CABCOCO1: variants seen among roughly 807,000 people sequenced by gnomAD.
CABCOCO1 encodes the protein ciliary associated calcium binding coiled-coil 1, also known as ciliary-associated calcium-binding coiled-coil protein 1.
Under a neutral mutation model 35.7 loss-of-function variants are expected in CABCOCO1, and 28 were observed. The ratio of observed to expected loss-of-function variants is 0.78; its 90% CI spans 0.58 to 1.07. The LOEUF is 1.07. Ranked by LOEUF, CABCOCO1 falls within the 50% of genes least tolerant of loss-of-function variation. CABCOCO1 has a pLI of 0.00. For synonymous variants in CABCOCO1, 95 were observed against 100.1 expected (o/e 0.95, Z 0.30); for missense variants, 326 against 309.2 (o/e 1.05, Z -0.41).
At chr10:61,745,734 C>T (rs938867702) in intron 5 of CABCOCO1, among the ~76,000 whole-genome samples, 3 of 152,184 alleles carry the variant, frequency 2.0e-5, no homozygotes, top group Non-Finnish European at 4.4e-5. Flanking sequence ...TGTGCTGCAG[C>T]ATAAAGCTTA....
chr10:61,724,616 G>A (rs1262180210), intron 5 of CABCOCO1, among the ~76,000 whole-genome samples: 1 of 152,178 alleles, frequency 6.6e-6, no homozygotes, highest in African/African-American at 2.4e-5. Context: ...TATAGTTTTA[G>A]ATGGGAAGGC....
chr10:61,711,647 G>A (rs1237131911), intron 5 of CABCOCO1, among the ~76,000 whole-genome samples: 3 of 151,750 alleles, frequency 2.0e-5, no homozygotes, highest in African/African-American at 7.3e-5. Context: ...TTTATATAAG[G>A]AGAACAACAG....
At chr10:61,724,314 T>C (rs996594799) in intron 5 of CABCOCO1, among the ~76,000 whole-genome samples, 4 of 152,144 alleles carry the variant, frequency 2.6e-5, no homozygotes, top group Admixed American at 2.6e-4. Flanking sequence ...ATATGTAGAC[T>C]GAGAATAGAG....
chr10:61,697,410 T>C (rs1840324910), intron 5 of CABCOCO1, among the ~76,000 whole-genome samples: 1 of 152,110 alleles, frequency 6.6e-6, no homozygotes, highest in African/African-American at 2.4e-5. Context: ...ATCTCTAAAA[T>C]ATATTCTTAA....
rs186758345 is a variant in CABCOCO1 at position 61,698,315 on chromosome 10, C to A, written c.552+7694C>A. Among the ~76,000 whole-genome samples, 171 of 152,238 alleles carry A rather than the reference C, an allele frequency of 1.1e-3. 1 individual carries two copies. The highest frequency in any genetic ancestry group is 3.9e-3 in the African/African-American group (162 of 41,554). The stretch of plus-strand genomic sequence containing the variant: ...TGCAGCATGGGCATTTTCACATAAG[C>A]CCCATTGCACAGCTCCAGGGGCACC... On this transcript the variant is annotated intron_variant, in intron 5 of 7. Transcript: ENST00000648843.
intron 5 of CABCOCO1, among the ~76,000 whole-genome samples, chr10:61,703,899 G>A (rs1332147797): frequency 2.6e-5 from 4 of 152,082 alleles, no homozygotes; most frequent in Non-Finnish European, 5.9e-5. Context: ...AGTCTCCTAA[G>A]TTTTCTGTTG....
intron 5 of CABCOCO1, among the ~76,000 whole-genome samples, chr10:61,712,005 G>C (rs1030038738): frequency 1.3e-5 from 2 of 152,068 alleles, no homozygotes; most frequent in Admixed American, 6.6e-5. Flanking sequence ...CCTAGTAATG[G>C]GATTGCTGGG....
chr10:61,735,289 C>T (rs1841391295), intron 5 of CABCOCO1, among the ~76,000 whole-genome samples: 1 of 152,074 alleles, frequency 6.6e-6, no homozygotes, highest in Non-Finnish European at 1.5e-5. Context: ...TCATCAAGAA[C>T]TTGGTTTGCT....
At chr10:61,700,030 A>G (rs903211106) in intron 5 of CABCOCO1, among the ~76,000 whole-genome samples, 1 of 152,156 alleles carries the variant, frequency 6.6e-6, no homozygotes, top group African/African-American at 2.4e-5. Context: ...ACCTAAATCA[A>G]TATCTTAAAT....
intron 2 of CABCOCO1, among the ~76,000 whole-genome samples, chr10:61,673,236 A>G (rs940462728): frequency 2.6e-5 from 4 of 152,250 alleles, no homozygotes; most frequent in Admixed American, 6.5e-5. Context: ...ATGTGAATAC[A>G]ATGGAATTTA....
chr10:61,739,069 T>C (rs1298647006), intron 5 of CABCOCO1, among the ~76,000 whole-genome samples: 2 of 152,192 alleles, frequency 1.3e-5, no homozygotes, highest in Non-Finnish European at 1.5e-5. Flanking sequence ...TCTTTTTTAA[T>C]AGGGATCTGC....
intron 5 of CABCOCO1, among the ~76,000 whole-genome samples, chr10:61,696,040 T>C (rs1840286226): frequency 6.6e-6 from 1 of 152,110 alleles, no homozygotes; most frequent in Admixed American, 6.6e-5. Context: ...GATGGATGGA[T>C]GGATGGATAG....
At chr10:61,728,373 G>T (rs1841214244) in intron 5 of CABCOCO1, among the ~76,000 whole-genome samples, 1 of 152,134 alleles carries the variant, frequency 6.6e-6, no homozygotes, top group African/African-American at 2.4e-5. Context: ...AGACAGAGCT[G>T]CCAGCATTAC....
intron 5 of CABCOCO1, chr10:61,701,586 A>G: frequency 1.1e-6 from 1 of 945,372 alleles, no homozygotes; most frequent in Non-Finnish European, 1.3e-6. Context: ...GAATGAATGC[A>G]GTCTAAGAAA....
At chr10:61,672,097 T>A (rs1025999317) in intron 1 of CABCOCO1, among the ~76,000 whole-genome samples, 1 of 152,230 alleles carries the variant, frequency 6.6e-6, no homozygotes, top group Non-Finnish European at 1.5e-5. Flanking sequence ...ACCTTGGTGT[T>A]GCTGGTTCAT....
rs538779894 is a variant in CABCOCO1 at position 61,674,565 on chromosome 10, G to A, written c.164+1830G>A. Among the ~76,000 whole-genome samples, 9 of 152,164 alleles carry A rather than the reference G, an allele frequency of 5.9e-5. No individual in the cohort carries two copies. In the East Asian group the frequency reaches 1.3e-3, roughly 23 times the overall value. ...TTAAAATAGCATTATTATAAATGGG[G>A]GTTATATGCTTTCAAAATGACAGAA... On this transcript the variant is annotated intron_variant, in intron 2 of 7. Coordinates refer to ENST00000648843, the MANE Select transcript of CABCOCO1 (RefSeq NM_001366906.2).
At chr10:61,700,792 A>G (rs989982796) in intron 5 of CABCOCO1, among the ~76,000 whole-genome samples, 1 of 152,074 alleles carries the variant, frequency 6.6e-6, no homozygotes, top group Non-Finnish European at 1.5e-5. Flanking sequence ...ATATAATTCT[A>G]TCATCAAGAG....
Position 61,765,943 on chromosome 10 carries a change from A to G in CABCOCO1, c.821A>G (p.Glu274Gly). 1.2e-6 allele frequency: 2 copies of G among 1,612,926 alleles called. No homozygotes were observed. The highest frequency in any genetic ancestry group is 1.7e-6 in the Non-Finnish European group (2 of 1,179,322). ...TDDILIGIQT[E>G]INEKLQIQEE... is the part of the protein sequence containing the mutation. ...TTTTTATGATTGTCTTCACAGACCG[A>G]GATAAACGAAAAACTGCAAATACAG... The change falls in exon 8 of 8, where the codon GAG becomes GGG. Residue 274 changes from glutamate (E) to glycine (G), a missense_variant. Physicochemically the swap from Glu to Gly is moderately conservative, Grantham distance 98 (BLOSUM62 -2). Coordinates refer to ENST00000648843, the MANE Select transcript of CABCOCO1 (RefSeq NM_001366906.2).
intron 5 of CABCOCO1, among the ~76,000 whole-genome samples, chr10:61,724,183 T>C (rs1841088596): frequency 6.6e-6 from 1 of 152,218 alleles, no homozygotes; most frequent in African/African-American, 2.4e-5. Context: ...AGAAGCATAC[T>C]TTCTTCATTG....
Sources: allele counts gnomAD v4.1 joint callset (sites outside exome capture counted in the v4.1 genomes callset), GRCh38; gene constraint gnomAD v4.1.1; transcripts MANE v1.5; gene names NCBI Gene and HGNC (gene_info 2026-07-23, HGNC 2026-07-21).